Variants in NEK1 observed in about 807,000 individuals in gnomAD.
The protein encoded by NEK1 is NIMA related kinase 1.
Under a neutral mutation model 182.1 loss-of-function variants are expected in NEK1, and 137 were observed. That is an observed-to-expected ratio of 0.75 (90% confidence interval 0.65 to 0.87). NEK1 has a LOEUF of 0.87. Ranked by LOEUF, NEK1 falls within the 40% of genes least tolerant of loss-of-function variation. NEK1 has a pLI of 0.00. For synonymous variants in NEK1, 513 were observed against 492.2 expected (o/e 1.04, Z -0.56); for missense variants, 1,391 against 1,494.4 (o/e 0.93, Z 1.14).
rs1443645794 is a variant in NEK1 at position 169,545,011 on chromosome 4, G to A, written c.1563-7100C>T. Among the ~76,000 whole-genome samples, 11 of 145,826 alleles carry A rather than the reference G, an allele frequency of 7.5e-5. No individual in the cohort carries two copies. The East Asian group carries it at 2.1e-3, about 27-fold the overall frequency. On this transcript the variant is annotated intron_variant, in intron 18 of 35. Transcript: ENST00000507142. ...TCTGCTCTGATCTTAGTTATTTCTT[G>A]TCTTCTAGCTTTTGAATTTGTTTGC...
chr4:169,540,520 G>C (rs1224257607), intron 18 of NEK1, among the ~76,000 whole-genome samples: 1 of 152,064 alleles, frequency 6.6e-6, no homozygotes, highest in South Asian at 2.1e-4. Flanking sequence ...CTTGTGCTGG[G>C]ATCATGGGGA....
intron 19 of NEK1, among the ~76,000 whole-genome samples, chr4:169,513,197 T>C (rs576804257): frequency 6.6e-6 from 1 of 152,196 alleles, no homozygotes; most frequent in South Asian, 2.1e-4. Flanking sequence ...ATTTTTACTG[T>C]TGTGAGTCTT....
At chr4:169,610,696 T>C (rs1271229604) in intron 2 of NEK1, among the ~76,000 whole-genome samples, 2 of 152,230 alleles carry the variant, frequency 1.3e-5, no homozygotes, top group Non-Finnish European at 2.9e-5. Context: ...TTTTAGAGTA[T>C]ATGAATGGAA....
chr4:169,547,685 T>C (rs1760746188), intron 18 of NEK1, among the ~76,000 whole-genome samples: 1 of 152,200 alleles, frequency 6.6e-6, no homozygotes, highest in South Asian at 2.1e-4. Flanking sequence ...TTCACTTTTT[T>C]CTCTAATCTT....
chr4:169,570,396 G>A (rs1371157909), intron 12 of NEK1, among the ~76,000 whole-genome samples: 11 of 150,480 alleles, frequency 7.3e-5, no homozygotes, highest in East Asian at 2.0e-4. Context: ...TGCCCAGTCC[G>A]AGAGGGAGGT....
chr4:169,512,392 C>T (rs973600712), intron 19 of NEK1, among the ~76,000 whole-genome samples: 4 of 151,960 alleles, frequency 2.6e-5, no homozygotes, highest in African/African-American at 9.7e-5. Context: ...CATGTGTTAC[C>T]TGCCATATGT....
At chr4:169,406,490 C>A in intron 32 of NEK1, 106 bp downstream of exon 32, 1 of 711,062 alleles carries the variant, frequency 1.4e-6, no homozygotes. Context: ...GACATAAAAG[C>A]AGAGGTTAAT....
intron 5 of NEK1, among the ~76,000 whole-genome samples, chr4:169,595,656 G>T (rs1299923965): frequency 6.6e-6 from 1 of 152,120 alleles, no homozygotes. Flanking sequence ...GGGCGCAGTG[G>T]CTCATGCCCA....
chr4:169,580,461 C>A (rs946177424), intron 11 of NEK1, among the ~76,000 whole-genome samples: 9 of 133,000 alleles, frequency 6.8e-5, no homozygotes, highest in Non-Finnish European at 1.1e-4. Flanking sequence ...TGTGCCACTG[C>A]GCTCCAGCCT....
chr4:169,466,281 A>T (rs1371599388), intron 26 of NEK1, among the ~76,000 whole-genome samples: 1 of 152,138 alleles, frequency 6.6e-6, no homozygotes, highest in African/African-American at 2.4e-5. Flanking sequence ...TTCAAGTTTG[A>T]TGAAAACTAT....
At chr4:169,560,429 T>C (rs539738173) in intron 16 of NEK1, among the ~76,000 whole-genome samples, 28 of 152,302 alleles carry the variant, frequency 1.8e-4, no homozygotes, top group African/African-American at 6.3e-4. Flanking sequence ...CTCTAATTTC[T>C]TTTCCCCTTC....
At chr4:169,571,205 A>T (rs1033162802) in intron 12 of NEK1, among the ~76,000 whole-genome samples, 2 of 150,716 alleles carry the variant, frequency 1.3e-5, no homozygotes, top group African/African-American at 4.8e-5. Flanking sequence ...TAAATAAATA[A>T]ATAAATAAAT....
chr4:169,455,515 A>G (rs1742700179), intron 27 of NEK1, among the ~76,000 whole-genome samples: 1 of 152,342 alleles, frequency 6.6e-6, no homozygotes, highest in South Asian at 2.1e-4. Flanking sequence ...ATAAAAAGAT[A>G]CAAATAACGT....
At chr4:169,406,906 A>AAT (rs995754807) in intron 31 of NEK1, among the ~76,000 whole-genome samples, 159 bp from the exon 32 acceptor site, 7 of 150,816 alleles carry the variant, frequency 4.6e-5, no homozygotes, top group Non-Finnish European at 7.4e-5. Context: ...ACATATAAAA[A>AAT]ATATATATAT....
Position 169,561,809 on chromosome 4 carries a change from GAAAAACAAGAGCA to G in NEK1, c.1140+10_1140+22del. The G allele has an allele frequency of 1.2e-6, 2 of 1,606,950 alleles. No homozygotes were observed. Among genetic ancestry groups the G allele is most frequent in the Non-Finnish European group, 8.5e-7 (1 of 1,176,606 alleles). On this transcript the variant is annotated intron_variant, in intron 14 of 35. Coordinates refer to ENST00000507142, the MANE Select transcript of NEK1 (RefSeq NM_001199397.3). ...ATCACTTAACAACTTGCCAAAGGTA[GAAAAACAAGAGCA>G]AAAAACTACCTGATCCTTTTGTTTC...
At chr4:169,566,786 T>C (rs999003086) in intron 12 of NEK1, among the ~76,000 whole-genome samples, 9 of 152,120 alleles carry the variant, frequency 5.9e-5, no homozygotes, top group Non-Finnish European at 1.0e-4. Flanking sequence ...AAAAGAAGTC[T>C]TTTAAAAAAA....
At chr4:169,589,350 GTACT>G (rs2150086256) in intron 7 of NEK1, 93 bp downstream of exon 7, 1 of 743,090 alleles carries the variant, frequency 1.3e-6, no homozygotes, top group East Asian at 2.8e-5. Context: ...AGTAAAGAAT[GTACT>G]TAAAGATACC....
rs758982838 is a variant in NEK1 at position 169,426,246 on chromosome 4, G to A, written c.2886-12C>T. 6.2e-7 allele frequency: 1 copy of A among 1,607,250 alleles called. No homozygotes were observed. The highest frequency in any genetic ancestry group is 1.7e-5 in the Admixed American group (1 of 59,578). On this transcript the variant is annotated splice_polypyrimidine_tract_variant and intron_variant, in intron 29 of 35. Coordinates refer to ENST00000507142, the MANE Select transcript of NEK1 (RefSeq NM_001199397.3). ...TCCTATCTGCCGACCTGCCACAGAT[G>A]GGTACACCAATTAAAAACACACACA... is the stretch of plus-strand genomic sequence containing the variant.
At chr4:169,475,430 A>C (rs1746765598) in intron 26 of NEK1, among the ~76,000 whole-genome samples, 1 of 152,180 alleles carries the variant, frequency 6.6e-6, no homozygotes, top group African/African-American at 2.4e-5. Context: ...ACAAATATTA[A>C]AAATAAGACA....
Sources: gnomAD v4.1 joint callset for allele counts (sites outside exome capture counted in the v4.1 genomes callset) on GRCh38, gnomAD v4.1.1 for gene constraint, MANE v1.5 for transcripts, NCBI Gene and HGNC (gene_info 2026-07-23, HGNC 2026-07-21) for gene names.